The following TSHZ2 variants were observed in gnomAD, a reference collection of about 807,000 sequenced individuals.
The protein encoded by TSHZ2 is teashirt zinc finger homeobox 2, also known as teashirt homolog 2.
Under a neutral mutation model 74.4 loss-of-function variants are expected in TSHZ2, and 21 were observed. The ratio of observed to expected loss-of-function variants is 0.28; its 90% CI spans 0.20 to 0.41. The LOEUF (loss-of-function observed/expected upper bound fraction) is 0.41, where lower values mean the gene tolerates loss of function less well. TSHZ2 is among the 10% of genes least tolerant of loss of function. TSHZ2 has a pLI of 1.00. For missense variants in TSHZ2, 1,244 were observed against 1,293.5 expected (o/e 0.96, Z 0.59); for synonymous variants, 540 against 515.3 (o/e 1.05, Z -0.65).
intron 1 of TSHZ2, among the ~76,000 whole-genome samples, chr20:53,244,697 A>C (rs1211933059): frequency 6.6e-6 from 1 of 152,204 alleles, no homozygotes; most frequent in Non-Finnish European, 1.5e-5. Flanking sequence ...GCAAAGCCCG[A>C]GGCCTCTAAC....
intron 2 of TSHZ2, among the ~76,000 whole-genome samples, chr20:53,283,408 A>G (rs563155349): frequency 3.3e-5 from 5 of 152,316 alleles, no homozygotes; most frequent in African/African-American, 1.2e-4. Flanking sequence ...CACACCAGAT[A>G]GGTCCCTGTC....
chr20:53,149,459 GA>G (rs1401111014), intron 1 of TSHZ2, among the ~76,000 whole-genome samples: 1 of 152,172 alleles, frequency 6.6e-6, no homozygotes, highest in African/African-American at 2.4e-5. Context: ...GGGAGTGAGA[GA>G]AAGAGGGGGA....
intron 2 of TSHZ2, among the ~76,000 whole-genome samples, chr20:53,470,759 G>GCGGAGAT (rs1175216271): frequency 6.6e-6 from 1 of 152,144 alleles, no homozygotes; most frequent in Admixed American, 6.5e-5. Context: ...GTTGCAGTGA[G>GCGGAGAT]CGGAGATTGC....
At chr20:53,125,150 A>T (rs1208469624) in intron 1 of TSHZ2, among the ~76,000 whole-genome samples, 1 of 152,254 alleles carries the variant, frequency 6.6e-6, no homozygotes, top group African/African-American at 2.4e-5. Flanking sequence ...CTTAATTTAT[A>T]GGGTGATTTT....
intron 2 of TSHZ2, among the ~76,000 whole-genome samples, chr20:53,393,608 C>T (rs1478495369): frequency 6.6e-6 from 1 of 151,766 alleles, no homozygotes; most frequent in Non-Finnish European, 1.5e-5. Flanking sequence ...ATCTTAGTTT[C>T]GGTGGTGATT....
chr20:53,133,176 C>T (rs963384259), intron 1 of TSHZ2, among the ~76,000 whole-genome samples: 1 of 152,172 alleles, frequency 6.6e-6, no homozygotes, highest in Non-Finnish European at 1.5e-5. Context: ...CACCTTCTTC[C>T]AACTGGCTTC....
At chr20:53,459,201 T>G (rs1325041026) in intron 2 of TSHZ2, among the ~76,000 whole-genome samples, 2 of 152,164 alleles carry the variant, frequency 1.3e-5, no homozygotes, top group African/African-American at 2.4e-5. Context: ...TAAGTCTCTT[T>G]GTAGGTCACT....
At position 53,261,115 on chromosome 20, in the gene TSHZ2, G is replaced by T. The variant is rs140144649; in HGVS notation, c.*8+4544G>T. 2.0e-5 allele frequency among the ~76,000 whole-genome samples: 3 copies of T among 152,258 alleles called. No individual in the cohort carries two copies. The East Asian group carries it at 5.8e-4, about 29-fold the overall frequency. On this transcript the variant is annotated intron_variant, in intron 2 of 2. Transcript: ENST00000371497. Reference sequence around the variant, plus strand: ...GTCCAATGCTCATCAACTTTCTCCTGCTCCTTGGTTTCCTCCTCCTTGCCT... The same window carrying T: ...GTCCAATGCTCATCAACTTTCTCCTTCTCCTTGGTTTCCTCCTCCTTGCCT...
At chr20:53,033,796 A>G (rs1178397947) in intron 1 of TSHZ2, among the ~76,000 whole-genome samples, 1 of 151,076 alleles carries the variant, frequency 6.6e-6, no homozygotes, top group Non-Finnish European at 1.5e-5. Flanking sequence ...AGGAACTAGG[A>G]CTGCAGGCAT....
At chr20:53,226,407 T>A (rs1989688224) in intron 1 of TSHZ2, among the ~76,000 whole-genome samples, 1 of 151,830 alleles carries the variant, frequency 6.6e-6, no homozygotes, top group South Asian at 2.1e-4. Context: ...CAGCTGTTAT[T>A]GTCATGAAGT....
At chr20:53,138,730 C>A (rs1987315604) in intron 1 of TSHZ2, among the ~76,000 whole-genome samples, 1 of 152,180 alleles carries the variant, frequency 6.6e-6, no homozygotes, top group South Asian at 2.1e-4. Context: ...ATTCACCAGG[C>A]CTCTGAGCTG....
chr20:53,470,563 C>G (rs548570181), intron 2 of TSHZ2, among the ~76,000 whole-genome samples: 1 of 152,110 alleles, frequency 6.6e-6, no homozygotes, highest in Non-Finnish European at 1.5e-5. Context: ...TGCCTGTAAT[C>G]CCAGTACTTT....
intron 2 of TSHZ2, among the ~76,000 whole-genome samples, chr20:53,265,982 G>A (rs770383024): frequency 3.9e-5 from 6 of 151,992 alleles, no homozygotes; most frequent in Non-Finnish European, 8.8e-5. Context: ...GGAAAAATGC[G>A]AGCTCCCTGC....
intron 2 of TSHZ2, among the ~76,000 whole-genome samples, chr20:53,455,768 ATC>A (rs1187342446): frequency 6.9e-6 from 1 of 144,780 alleles, no homozygotes; most frequent in African/African-American, 2.6e-5. Context: ...TGTCCATGTG[ATC>A]TCATTGTTCA....
At chr20:53,461,711 A>C (rs1376782597) in intron 2 of TSHZ2, 2 of 152,226 alleles carry the variant, frequency 1.3e-5, no homozygotes, top group South Asian at 4.1e-4. Context: ...AAATTTCTAC[A>C]TCCCATTCTC....
At chr20:52,973,449 C>A (rs1600623540) in intron 1 of TSHZ2, 116 bp downstream of exon 1, 5 of 1,347,510 alleles carry the variant, frequency 3.7e-6, no homozygotes, top group East Asian at 2.6e-5. Flanking sequence ...GAGTTTGCGC[C>A]GGGTGCCCTT....
chr20:53,032,781 C>T (rs891803179), intron 1 of TSHZ2, among the ~76,000 whole-genome samples: 3 of 151,924 alleles, frequency 2.0e-5, no homozygotes, highest in African/African-American at 7.3e-5. Context: ...TGCCAGGAGG[C>T]CTGCTAGCAT....
chr20:53,173,014 G>A (rs1007356556), intron 1 of TSHZ2, among the ~76,000 whole-genome samples: 1 of 152,168 alleles, frequency 6.6e-6, no homozygotes, highest in Non-Finnish European at 1.5e-5. Context: ...GTACAGTGGA[G>A]GAATGGCAGT....
chr20:53,367,054 C>T (rs1388394845), intron 2 of TSHZ2, among the ~76,000 whole-genome samples: 2 of 152,116 alleles, frequency 1.3e-5, no homozygotes, highest in East Asian at 3.9e-4. Context: ...TGCATAGTGC[C>T]TCATTATTCA....
Sources: gnomAD v4.1 joint callset for allele counts (sites outside exome capture counted in the v4.1 genomes callset) on GRCh38, gnomAD v4.1.1 for gene constraint, MANE v1.5 for transcripts, NCBI Gene and HGNC (gene_info 2026-07-23, HGNC 2026-07-21) for gene names.